Variants in GPR39 observed in about 807,000 individuals in gnomAD.
GPR39 encodes zinc sensing receptor.
A neutral mutation model predicts 18.4 loss-of-function variants in GPR39; 23 were observed. That is an observed-to-expected ratio of 1.25 (90% CI 0.90 to 1.77). The LOEUF (loss-of-function observed/expected upper bound fraction) is 1.77. Among genes scored for constraint, GPR39 ranks in the 40% most tolerant of loss-of-function variants. The pLI is 0.00. For synonymous variants in GPR39, 280 were observed against 257.9 expected, an observed-to-expected ratio of 1.09 and a Z score of -0.82; for missense variants, 647 against 602.4, an observed-to-expected ratio of 1.07 and a Z score of -0.78.
At chr2:132,493,940 T>C (rs541567815) in intron 1 of GPR39, among the ~76,000 whole-genome samples, 2 of 152,168 alleles carry the variant, frequency 1.3e-5, no homozygotes, top group East Asian at 3.9e-4. Flanking sequence ...TAGTAATAAA[T>C]ACACCAAAAA....
At chr2:132,639,951 G>T (rs1404148397) in intron 1 of GPR39, among the ~76,000 whole-genome samples, 1 of 114,770 alleles carries the variant, frequency 8.7e-6, no homozygotes, top group Non-Finnish European at 1.7e-5. Flanking sequence ...GGCTTGCTTG[G>T]CAATCGAGGG....
chr2:132,525,279 T>C (rs1275449326), intron 1 of GPR39, among the ~76,000 whole-genome samples: 2 of 152,218 alleles, frequency 1.3e-5, no homozygotes, highest in Non-Finnish European at 2.9e-5. Flanking sequence ...GGCCATTGAC[T>C]GAGTGTGGGA....
chr2:132,611,867 C>T (rs532846462), intron 1 of GPR39, among the ~76,000 whole-genome samples: 3 of 152,258 alleles, frequency 2.0e-5, no homozygotes, highest in Non-Finnish European at 4.4e-5. Context: ...TCCTTAAATG[C>T]AGTTAGTGAA....
At chr2:132,476,818 G>A (rs1681139337) in intron 1 of GPR39, among the ~76,000 whole-genome samples, 1 of 152,162 alleles carries the variant, frequency 6.6e-6, no homozygotes, top group Admixed American at 6.5e-5. Context: ...CGGCTCTGTA[G>A]GACAGGCTGT....
chr2:132,591,663 A>G (rs1231540891), intron 1 of GPR39, among the ~76,000 whole-genome samples: 3 of 152,206 alleles, frequency 2.0e-5, no homozygotes, highest in Admixed American at 6.5e-5. Flanking sequence ...TCAAGTGCCA[A>G]TGTGACAATT....
At chr2:132,546,373 A>T (rs1679949330) in intron 1 of GPR39, among the ~76,000 whole-genome samples, 1 of 152,198 alleles carries the variant, frequency 6.6e-6, no homozygotes, top group Admixed American at 6.5e-5. Flanking sequence ...TATAGTAGGG[A>T]CAAGAACTGG....
chr2:132,534,519 G>A (rs970828205), intron 1 of GPR39, among the ~76,000 whole-genome samples: 6 of 148,652 alleles, frequency 4.0e-5, no homozygotes, highest in African/African-American at 1.5e-4. Context: ...AAATCATGCT[G>A]CTATGAAGAC....
At chr2:132,621,380 C>T (rs1356253727) in intron 1 of GPR39, among the ~76,000 whole-genome samples, 1 of 152,226 alleles carries the variant, frequency 6.6e-6, no homozygotes, top group Non-Finnish European at 1.5e-5. Context: ...TCTCCCTGAG[C>T]CTGGTGTCTA....
At chr2:132,579,485 G>A (rs1680587963) in intron 1 of GPR39, among the ~76,000 whole-genome samples, 2 of 152,030 alleles carry the variant, frequency 1.3e-5, no homozygotes, top group Admixed American at 6.6e-5. Context: ...GGTTGATGGT[G>A]CTTTTCAGTT....
chr2:132,473,825 G>T (rs1681076991), intron 1 of GPR39, among the ~76,000 whole-genome samples: 1 of 152,190 alleles, frequency 6.6e-6, no homozygotes, highest in Non-Finnish European at 1.5e-5. Context: ...AGTTGTTACA[G>T]GAATGCAGTA....
intron 1 of GPR39, among the ~76,000 whole-genome samples, chr2:132,497,330 A>G (rs187749105): frequency 8.4e-4 from 128 of 152,152 alleles, no homozygotes; most frequent in African/African-American, 3.0e-3. Context: ...GGTTTTTCCT[A>G]TCTTCACTCA....
intron 1 of GPR39, among the ~76,000 whole-genome samples, chr2:132,423,360 C>G (rs1680051238): frequency 6.6e-6 from 1 of 152,136 alleles, no homozygotes; most frequent in Non-Finnish European, 1.5e-5. Context: ...AGGGCCCCAC[C>G]CTTACAACTT....
At chr2:132,579,311 A>G (rs1680586247) in intron 1 of GPR39, among the ~76,000 whole-genome samples, 1 of 152,158 alleles carries the variant, frequency 6.6e-6, no homozygotes, top group South Asian at 2.1e-4. Flanking sequence ...CATTGTGGTC[A>G]GAGAAACACA....
chr2:132,557,088 G>T (rs918394078), intron 1 of GPR39, among the ~76,000 whole-genome samples: 1 of 152,160 alleles, frequency 6.6e-6, no homozygotes, highest in Non-Finnish European at 1.5e-5. Context: ...GGCCAAGGGG[G>T]GGGGCAGATC....
chr2:132,594,985 A>G (rs1680910750), intron 1 of GPR39, among the ~76,000 whole-genome samples: 1 of 151,908 alleles, frequency 6.6e-6, no homozygotes, highest in African/African-American at 2.4e-5. Flanking sequence ...TTTAGAGGTG[A>G]ATTGATTTGT....
intron 1 of GPR39, among the ~76,000 whole-genome samples, chr2:132,596,192 T>G (rs920339851): frequency 1.3e-5 from 2 of 152,192 alleles, no homozygotes; most frequent in African/African-American, 4.8e-5. Context: ...TTTTTTAAAA[T>G]TGACTACAAA....
intron 1 of GPR39, among the ~76,000 whole-genome samples, chr2:132,534,541 CAT>C (rs1425589892): frequency 2.1e-5 from 3 of 146,180 alleles, no homozygotes; most frequent in East Asian, 2.2e-4. Flanking sequence ...CATGCACACA[CAT>C]GTTTATTGTG....
intron 1 of GPR39, among the ~76,000 whole-genome samples, chr2:132,473,456 G>A (rs1168172366): frequency 6.6e-6 from 1 of 152,096 alleles, no homozygotes; most frequent in African/African-American, 2.4e-5. Flanking sequence ...ACTAGATTAT[G>A]ACAAGAAAAT....
In GPR39 at chr2:132,453,033, C is replaced by T. The variant is rs901311956; in HGVS notation, c.856+35135C>T. Among the ~76,000 whole-genome samples the T allele has an allele frequency of 3.9e-5, 6 of 152,258 alleles. No homozygotes were observed. In the East Asian group the frequency reaches 9.7e-4, roughly 25 times the overall value. ...GCTGGGTCAAATGGTAATTCTAGTT[C>T]TACATCCTTGAGGAATCACCACACT... On this transcript the variant is annotated intron_variant, in intron 1 of 1. Coordinates refer to ENST00000329321, the MANE Select transcript of GPR39 (RefSeq NM_001508.3).
Sources: gnomAD v4.1 joint callset for allele counts (sites outside exome capture counted in the v4.1 genomes callset) on GRCh38, gnomAD v4.1.1 for gene constraint, MANE v1.5 for transcripts, NCBI Gene and HGNC (gene_info 2026-07-23, HGNC 2026-07-21) for gene names.